Variants in CACNA2D2 observed in about 807,000 individuals in gnomAD.
CACNA2D2 encodes voltage-dependent calcium channel subunit alpha-2/delta-2.
A neutral mutation model predicts 166.4 loss-of-function variants in CACNA2D2; 48 were observed. The observed-to-expected ratio is 0.29, with a 90% CI of 0.23 to 0.37. The LOEUF is 0.37. Ranked by LOEUF, CACNA2D2 falls within the 10% of genes least tolerant of loss-of-function variation. CACNA2D2 has a pLI of 1.00. For missense variants in CACNA2D2, 1,122 were observed against 1,433.0 expected, an observed-to-expected ratio of 0.78 and a Z score of 3.50; for synonymous variants, 561 against 573.7, an observed-to-expected ratio of 0.98 and a Z score of 0.32.
intron 2 of CACNA2D2, among the ~76,000 whole-genome samples, chr3:50,446,830 G>C (rs939483359): frequency 6.6e-6 from 1 of 152,208 alleles, no homozygotes; most frequent in Admixed American, 6.5e-5. Context: ...GGACAGTTCT[G>C]AGCTGGCCCA....
At chr3:50,464,363 T>A (rs1709727197) in intron 2 of CACNA2D2, among the ~76,000 whole-genome samples, 2 of 152,166 alleles carry the variant, frequency 1.3e-5, no homozygotes, top group African/African-American at 4.8e-5. Context: ...CCTGGAGGGC[T>A]CCAGTGCCCA....
At position 50,501,630 on chromosome 3, in the gene CACNA2D2, G is replaced by T. The variant is rs1459187585; in HGVS notation, c.206+1588C>A. 2.0e-5 allele frequency among the ~76,000 whole-genome samples: 3 copies of T among 152,198 alleles called. No individual in the cohort carries two copies. In the South Asian group the frequency reaches 6.2e-4, roughly 32 times the overall value. On this transcript the variant is annotated intron_variant, in intron 1 of 37. Coordinates refer to ENST00000424201, the MANE Select transcript of CACNA2D2 (RefSeq NM_006030.4). ...GACCAACTGCACGTTGCAGGGAAAG[G>T]GAGTGAGGTCGGGAGAGGTGGAAAG...
At chr3:50,406,496 G>C (rs1366685613) in intron 3 of CACNA2D2, among the ~76,000 whole-genome samples, 2 of 151,428 alleles carry the variant, frequency 1.3e-5, no homozygotes, top group African/African-American at 2.4e-5. Context: ...TGCACCACCA[G>C]AATGCTACTC....
chr3:50,498,190 C>G (rs1698801933), intron 1 of CACNA2D2, among the ~76,000 whole-genome samples: 1 of 152,152 alleles, frequency 6.6e-6, no homozygotes, highest in African/African-American at 2.4e-5. Flanking sequence ...GAGCTCAGCC[C>G]ACCTGCCTTG....
intron 4 of CACNA2D2, among the ~76,000 whole-genome samples, chr3:50,387,942 G>A (rs587642633): frequency 3.3e-5 from 5 of 152,312 alleles, no homozygotes; most frequent in South Asian, 4.1e-4. Context: ...GCAGCACCAG[G>A]GAGTGAGGAA....
rs1420390832 is a variant in CACNA2D2 at position 50,365,299 on chromosome 3, T to C, written c.3098+57A>G. On this transcript the variant is annotated intron_variant, in intron 35 of 37. Coordinates refer to ENST00000424201, the MANE Select transcript of CACNA2D2 (RefSeq NM_006030.4). This position sits in a 1 kb window ranked among gnomAD's most constrained non-coding sequence, Gnocchi z 4.5. Reference sequence around the variant, plus strand: ...CCCGCCCCTTCCATCCTCCCGAGCGTCTCGCCCCGCTCACAGGTTCCGCCC... The same window carrying C: ...CCCGCCCCTTCCATCCTCCCGAGCGCCTCGCCCCGCTCACAGGTTCCGCCC... 9.9e-6 allele frequency: 15 copies of C among 1,518,962 alleles called. No homozygotes were observed. The highest frequency in any genetic ancestry group is 1.9e-5 in the Admixed American group (1 of 53,818). 94.1% of individuals were successfully genotyped at this position (1,518,962 alleles called of 1,614,324 possible).
At chr3:50,423,547 G>C (rs1707669878) in intron 3 of CACNA2D2, among the ~76,000 whole-genome samples, 1 of 152,224 alleles carries the variant, frequency 6.6e-6, no homozygotes, top group Non-Finnish European at 1.5e-5. Context: ...ATCAAGAATG[G>C]AGAGCTGCCC....
At position 50,366,766 on chromosome 3, in the gene CACNA2D2, TG is replaced by T; in HGVS notation, c.2589+64del. 2.6e-6 allele frequency: 4 copies of T among 1,567,604 alleles called. No individual in the cohort carries two copies. The highest frequency in any genetic ancestry group is 1.4e-5 in the African/African-American group (1 of 73,996). On this transcript the variant is annotated intron_variant, in intron 29 of 37. Coordinates refer to ENST00000424201, the MANE Select transcript of CACNA2D2 (RefSeq NM_006030.4). This position sits in a 1 kb window ranked among gnomAD's most constrained non-coding sequence, Gnocchi z 5.9. ...TTGGAGCCACTGAGTGGAGGGTTGG[TG>T]GGGGTTCCAGGGGACTCCAGGAAGG...
chr3:50,456,581 G>A (rs1161997303), intron 2 of CACNA2D2, among the ~76,000 whole-genome samples: 1 of 152,174 alleles, frequency 6.6e-6, no homozygotes, highest in African/African-American at 2.4e-5. Flanking sequence ...AACGACCGTT[G>A]TCTCCAGGGA....
At chr3:50,388,582 G>T (rs1019099079) in intron 4 of CACNA2D2, among the ~76,000 whole-genome samples, 1 of 152,372 alleles carries the variant, frequency 6.6e-6, no homozygotes, top group Admixed American at 6.5e-5. Context: ...GGCTGGCTGT[G>T]AAGTGGCAGG....
chr3:50,466,422 C>T (rs1299451152), intron 2 of CACNA2D2, among the ~76,000 whole-genome samples: 5 of 152,132 alleles, frequency 3.3e-5, no homozygotes, highest in East Asian at 1.9e-4. Context: ...AATGTGTGCC[C>T]GCTCACACCT....
In CACNA2D2 at chr3:50,364,877, C is replaced by G; in HGVS notation, c.3291+11G>C. On this transcript the variant is annotated intron_variant, in intron 37 of 37. Coordinates refer to ENST00000424201, the MANE Select transcript of CACNA2D2 (RefSeq NM_006030.4). ...CCGCGGGATTTCGGGTCCACCGCCC[C>G]CTCTCCTCACTGTCGCGTTGTAGTC... The G allele has an allele frequency of 6.2e-7, 1 of 1,613,406 alleles. No individual in the cohort carries two copies. The highest frequency in any genetic ancestry group is 8.5e-7 in the Non-Finnish European group (1 of 1,179,916).
chr3:50,470,121 C>T (rs2107058255), intron 2 of CACNA2D2, among the ~76,000 whole-genome samples: 1 of 152,342 alleles, frequency 6.6e-6, no homozygotes, highest in South Asian at 2.1e-4. Flanking sequence ...TTCCCTGCCC[C>T]AGCGCTGCCC....
chr3:50,472,555 T>C (rs913024164), intron 2 of CACNA2D2, among the ~76,000 whole-genome samples: 2 of 152,138 alleles, frequency 1.3e-5, no homozygotes, highest in Non-Finnish European at 2.9e-5. Flanking sequence ...AGGTCAGGAA[T>C]GCATCCCGGG....
intron 3 of CACNA2D2, among the ~76,000 whole-genome samples, chr3:50,410,483 G>T (rs1024121838): frequency 2.2e-4 from 32 of 147,598 alleles, no homozygotes; most frequent in African/African-American, 6.1e-4. Context: ...CCTGGGATGG[G>T]GGGGGGGGTG....
intron 3 of CACNA2D2, among the ~76,000 whole-genome samples, chr3:50,426,581 G>A (rs1389194320): frequency 6.6e-6 from 1 of 152,184 alleles, no homozygotes; most frequent in African/African-American, 2.4e-5. Flanking sequence ...ACAGGTGGTG[G>A]GGCTGACCCA....
At chr3:50,411,921 A>G (rs1237581887) in intron 3 of CACNA2D2, among the ~76,000 whole-genome samples, 2 of 152,210 alleles carry the variant, frequency 1.3e-5, no homozygotes, top group Non-Finnish European at 2.9e-5. Context: ...CCCTGCTCCT[A>G]GCAAAGGTGC....
At chr3:50,405,748 G>C (rs1706679993) in intron 3 of CACNA2D2, among the ~76,000 whole-genome samples, 1 of 152,270 alleles carries the variant, frequency 6.6e-6, no homozygotes, top group South Asian at 2.1e-4. Flanking sequence ...CATACAAAGG[G>C]GGAACTGAGG....
intron 1 of CACNA2D2, among the ~76,000 whole-genome samples, chr3:50,501,454 A>G (rs1553758822): frequency 3.4e-5 from 5 of 146,864 alleles, no homozygotes; most frequent in Non-Finnish European, 7.4e-5. Flanking sequence ...AGCTCCAACT[A>G]TATCGACAAC....
Sources: gnomAD v4.1 joint callset for allele counts (sites outside exome capture counted in the v4.1 genomes callset) on GRCh38, gnomAD v4.1.1 for gene constraint, Gnocchi (gnomAD v3.1) non-coding constraint, MANE v1.5 for transcripts, NCBI Gene and HGNC (gene_info 2026-07-23, HGNC 2026-07-21) for gene names.